Variants in HSDL2 observed in about 807,000 individuals in gnomAD.
HSDL2 encodes the protein hydroxysteroid dehydrogenase like 2, also known as hydroxysteroid dehydrogenase-like protein 2.
In HSDL2, 27 loss-of-function variants were observed where a neutral mutation model predicts 46.3. The observed-to-expected ratio is 0.58, with a 90% confidence interval of 0.43 to 0.80. The LOEUF (loss-of-function observed/expected upper bound fraction) is 0.80. HSDL2 is among the 30% of genes least tolerant of loss of function. HSDL2 has a pLI of 0.00. For synonymous variants in HSDL2, 153 were observed against 163.6 expected (o/e 0.94, Z 0.50); for missense variants, 451 against 502.7 (o/e 0.90, Z 0.98).
intron 10 of HSDL2, among the ~76,000 whole-genome samples, chr9:112,461,353 A>G (rs546544080): frequency 9.7e-4 from 147 of 152,284 alleles, no homozygotes; most frequent in Non-Finnish European, 1.6e-3. Context: ...TGCTGGTATT[A>G]CAAATGTGAG....
chr9:112,469,521 C>G (rs1833501734), intron 10 of HSDL2, among the ~76,000 whole-genome samples: 1 of 151,686 alleles, frequency 6.6e-6, no homozygotes, highest in African/African-American at 2.4e-5. Context: ...AAAATTAGCC[C>G]TGCATGGTGT....
At chr9:112,383,338 G>T (rs1268906465) in intron 1 of HSDL2, among the ~76,000 whole-genome samples, 1 of 152,100 alleles carries the variant, frequency 6.6e-6, no homozygotes, top group Admixed American at 6.5e-5. Flanking sequence ...ATCCCAACAT[G>T]CTGGGATTAC....
intron 9 of HSDL2, among the ~76,000 whole-genome samples, chr9:112,455,102 G>A (rs751058235): frequency 3.9e-5 from 6 of 152,082 alleles, no homozygotes; most frequent in Admixed American, 1.3e-4. Flanking sequence ...GGATGGTGGC[G>A]TGCAGCTGTA....
At chr9:112,403,306 C>G (rs1364377449) in intron 1 of HSDL2, among the ~76,000 whole-genome samples, 2 of 152,212 alleles carry the variant, frequency 1.3e-5, no homozygotes, top group Non-Finnish European at 2.9e-5. Context: ...ATAGGTTTGC[C>G]TATTCTGGAC....
chr9:112,388,200 T>C (rs992180597), intron 1 of HSDL2, among the ~76,000 whole-genome samples: 2 of 151,656 alleles, frequency 1.3e-5, no homozygotes, highest in East Asian at 1.9e-4. Context: ...CAGTGGCTCA[T>C]GCCTGTAACC....
At chr9:112,468,651 C>G (rs947463110) in intron 10 of HSDL2, among the ~76,000 whole-genome samples, 4 of 152,038 alleles carry the variant, frequency 2.6e-5, no homozygotes, top group Admixed American at 6.6e-5. Flanking sequence ...CCTCTTCCCT[C>G]TTTCTCCACC....
rs544606598 is a variant in HSDL2, at chr9:112,464,318, T to G, written c.1144+4741T>G. ...TTCTTTATAAATTCTGGATGCATGT[T>G]CTTTATTGGATATGTGATTTGCAAA... On this transcript the variant is annotated intron_variant, in intron 10 of 10. Coordinates refer to ENST00000398805, the MANE Select transcript of HSDL2 (RefSeq NM_032303.5). Among the ~76,000 whole-genome samples, 8 of 152,302 alleles carry G rather than the reference T, an allele frequency of 5.3e-5. No homozygotes were observed. In the South Asian group the frequency reaches 1.7e-3, roughly 32 times the overall value.
intron 10 of HSDL2, among the ~76,000 whole-genome samples, chr9:112,465,557 G>C (rs544855128): frequency 6.6e-6 from 1 of 152,268 alleles, no homozygotes; most frequent in African/African-American, 2.4e-5. Flanking sequence ...ATGTAAGTAA[G>C]CACTTCTCAT....
chr9:112,404,766 G>A (rs1831687406), intron 2 of HSDL2, among the ~76,000 whole-genome samples: 1 of 152,190 alleles, frequency 6.6e-6, no homozygotes, highest in African/African-American at 2.4e-5. Flanking sequence ...CACAGAGCCA[G>A]GAGAGAGGGC....
chr9:112,395,043 C>A (rs1831426877), intron 1 of HSDL2, among the ~76,000 whole-genome samples: 1 of 152,094 alleles, frequency 6.6e-6, no homozygotes, highest in Non-Finnish European at 1.5e-5. Flanking sequence ...TAAATAAAAC[C>A]TACTGTAAGC....
intron 9 of HSDL2, among the ~76,000 whole-genome samples, chr9:112,458,320 C>CTTTTTTTTTTTTTTTTTTTTTT (rs202071222): frequency 8.4e-6 from 1 of 119,592 alleles, no homozygotes; most frequent in Non-Finnish European, 1.8e-5. Context: ...ACCACTTCTT[C>CTTTTTTTTTTTTTTTTTTTTTT]TTTTTTTTTT....
intron 4 of HSDL2, among the ~76,000 whole-genome samples, chr9:112,416,089 G>C (rs1011527354): frequency 1.4e-5 from 2 of 145,438 alleles, no homozygotes; most frequent in Admixed American, 1.4e-4. Flanking sequence ...CTGGGCAACA[G>C]AGCCAGACTC....
At chr9:112,425,999 C>T (rs1251675046) in intron 6 of HSDL2, among the ~76,000 whole-genome samples, 1 of 152,108 alleles carries the variant, frequency 6.6e-6, no homozygotes, top group Non-Finnish European at 1.5e-5. Flanking sequence ...CCTCGGCCTC[C>T]CAAATTGTTG....
chr9:112,403,957 T>A (rs1454666965), intron 1 of HSDL2, 38 bp from the exon 2 acceptor site: 1 of 1,584,340 alleles, frequency 6.3e-7, no homozygotes, highest in Admixed American at 1.7e-5. Context: ...AAATAAAACA[T>A]TGGGTCTTCT....
At chr9:112,388,505 C>A (rs1831268202) in intron 1 of HSDL2, among the ~76,000 whole-genome samples, 1 of 148,978 alleles carries the variant, frequency 6.7e-6, no homozygotes, top group Non-Finnish European at 1.5e-5. Flanking sequence ...TGGCTTACAC[C>A]TGTAATCCTA....
intron 10 of HSDL2, among the ~76,000 whole-genome samples, chr9:112,466,408 C>T (rs920726875): frequency 2.6e-5 from 4 of 152,046 alleles, no homozygotes; most frequent in Non-Finnish European, 5.9e-5. Flanking sequence ...CAAAAATTAG[C>T]TGGGCATGGT....
intron 9 of HSDL2, among the ~76,000 whole-genome samples, chr9:112,454,688 C>T (rs76002733): frequency 0.019 from 2,844 of 152,050 alleles, 51 homozygotes; most frequent in Middle Eastern, 0.048. Context: ...CTTTTTTTCA[C>T]TTTTTTTATT....
chr9:112,433,118 G>C (rs1832446297), intron 6 of HSDL2, among the ~76,000 whole-genome samples: 1 of 152,148 alleles, frequency 6.6e-6, no homozygotes, highest in African/African-American at 2.4e-5. Flanking sequence ...TAAAGGATCA[G>C]AGCAGTAGAT....
At chr9:112,381,463 C>G (rs536524171) in intron 1 of HSDL2, among the ~76,000 whole-genome samples, 1 of 152,166 alleles carries the variant, frequency 6.6e-6, no homozygotes. Context: ...CCGCAATTCT[C>G]CTGCCTCAGC....
Sources: gnomAD v4.1 joint callset for allele counts (sites outside exome capture counted in the v4.1 genomes callset) on GRCh38, gnomAD v4.1.1 for gene constraint, MANE v1.5 for transcripts, NCBI Gene and HGNC (gene_info 2026-07-23, HGNC 2026-07-21) for gene names.